Variants in SLC2A9 observed in about 807,000 individuals in gnomAD.
SLC2A9 encodes the protein solute carrier family 2, facilitated glucose transporter member 9.
In SLC2A9, 39 loss-of-function variants were observed where a neutral mutation model predicts 50.6. The observed-to-expected ratio is 0.77, with a 90% confidence interval of 0.60 to 1.01. The LOEUF (loss-of-function observed/expected upper bound fraction) is 1.01. SLC2A9 is among the 50% of genes least tolerant of loss of function. The pLI is 0.00. For missense variants in SLC2A9, 686 were observed against 677.6 expected, an observed-to-expected ratio of 1.01 and a Z score of -0.14; for synonymous variants, 324 against 276.9, an observed-to-expected ratio of 1.17 and a Z score of -1.69.
At chr4:9,817,434 T>G (rs759362401) in intron 3 of SLC2A9, among the ~76,000 whole-genome samples, 1 of 152,236 alleles carries the variant, frequency 6.6e-6, no homozygotes, top group Non-Finnish European at 1.5e-5. Context: ...ACAAGACTCC[T>G]GCCCTCCTGA....
chr4:9,969,194 ACTAGATCTT>A (rs1277527978), intron 5 of SLC2A9, among the ~76,000 whole-genome samples: 1 of 152,192 alleles, frequency 6.6e-6, no homozygotes, highest in African/African-American at 2.4e-5. Flanking sequence ...GCTAAGTGAT[ACTAGATCTT>A]CTTTCAGTTA....
At chr4:9,917,812 G>T (rs1006200270) in intron 7 of SLC2A9, among the ~76,000 whole-genome samples, 1 of 152,210 alleles carries the variant, frequency 6.6e-6, no homozygotes, top group Non-Finnish European at 1.5e-5. Flanking sequence ...GGGGCAGATG[G>T]TGCTACTGGT....
intron 10 of SLC2A9, among the ~76,000 whole-genome samples, chr4:9,866,771 G>A (rs1400415620): frequency 1.3e-5 from 2 of 152,170 alleles, no homozygotes; most frequent in Admixed American, 6.6e-5. Context: ...CTTCATGTAT[G>A]TTGTCTCCTC....
chr4:9,896,518 G>C (rs1738586924), intron 8 of SLC2A9, among the ~76,000 whole-genome samples: 1 of 152,088 alleles, frequency 6.6e-6, no homozygotes, highest in African/African-American at 2.4e-5. Flanking sequence ...TCTCAAATGT[G>C]TTTTATAGGT....
chr4:9,835,355 T>C (rs1221533166), intron 10 of SLC2A9, among the ~76,000 whole-genome samples: 1 of 152,116 alleles, frequency 6.6e-6, no homozygotes, highest in Non-Finnish European at 1.5e-5. Flanking sequence ...GTGAGACCAG[T>C]GATCACGCCC....
intron 2 of SLC2A9, among the ~76,000 whole-genome samples, chr4:10,014,625 C>T (rs911556601): frequency 1.3e-5 from 2 of 152,210 alleles, no homozygotes; most frequent in East Asian, 1.9e-4. Context: ...CTCTTTCAAG[C>T]CCCAGTGAGG....
Position 9,820,060 on chromosome 4 carries a change from C to T in SLC2A9, n.420+6360G>A, listed in dbSNP as rs114219058. ...TTGGTGTTATATCCTAAAGTCTTTGCTTAAATTTAACAAGAATTTCTCCTA... is the reference window on the plus strand; with the variant it reads ...TTGGTGTTATATCCTAAAGTCTTTGTTTAAATTTAACAAGAATTTCTCCTA... On this transcript the variant is annotated intron_variant and non_coding_transcript_variant, in intron 3 of 3. Transcript: ENST00000503280. 8.1e-3 allele frequency among the ~76,000 whole-genome samples: 1,233 copies of T among 152,346 alleles called. 16 individuals are homozygous for T. The highest frequency in any genetic ancestry group is 0.028 in the African/African-American group (1,165 of 41,574).
intron 5 of SLC2A9, among the ~76,000 whole-genome samples, chr4:9,977,283 TG>T (rs1448521670): frequency 1.3e-5 from 2 of 152,158 alleles, no homozygotes; most frequent in South Asian, 4.1e-4. Context: ...GGACGTTTTT[TG>T]TTTTTTAAAG....
intron 6 of SLC2A9, among the ~76,000 whole-genome samples, chr4:9,926,197 C>T (rs899957342): frequency 3.3e-5 from 5 of 151,870 alleles, no homozygotes; most frequent in Non-Finnish European, 7.4e-5. Context: ...GGTCTTGGAG[C>T]TGGAGAAACC....
downstream of SLC2A9, among the ~76,000 whole-genome samples, chr4:9,796,474 A>G (rs181452584): frequency 2.8e-4 from 43 of 152,334 alleles, no homozygotes; most frequent in East Asian, 5.6e-3. Context: ...GATATTTATC[A>G]TGCCTCCTTA....
chr4:9,833,354 C>T (rs73804734), intron 11 of SLC2A9, among the ~76,000 whole-genome samples: 19 of 152,080 alleles, frequency 1.2e-4, no homozygotes, highest in Admixed American at 9.2e-4. Flanking sequence ...AACTCTGAGA[C>T]GAGGAGGCTG....
intron 3 of SLC2A9, chr4:9,783,635 G>A (rs1014106880): frequency 2.9e-6 from 2 of 682,122 alleles, no homozygotes; most frequent in Non-Finnish European, 4.9e-6. Flanking sequence ...CGAAGAATTG[G>A]CAGAAGCAGT....
rs75687260 is a variant in SLC2A9 at position 9,977,218 on chromosome 4, G to C, written c.681+3374C>G. On this transcript the variant is annotated intron_variant, in intron 5 of 11. Transcript: ENST00000264784. ...ACAAATAAGCCTTCACAGTTACACA[G>C]TCCCCATCAAGGTGTGTGAAAGGTG... Among the ~76,000 whole-genome samples the C allele has an allele frequency of 9.5e-3, 1,440 of 152,292 alleles. 27 individuals carry two copies. The highest frequency in any genetic ancestry group is 0.033 in the African/African-American group (1,389 of 41,560).
chr4:9,857,752 CCTGA>C (rs1730958432), intron 10 of SLC2A9, among the ~76,000 whole-genome samples: 1 of 152,234 alleles, frequency 6.6e-6, no homozygotes, highest in African/African-American at 2.4e-5. Flanking sequence ...CCTGGCCCTG[CCTGA>C]CTCAGTGCCC....
chr4:9,850,464 G>A (rs964961699), intron 10 of SLC2A9, among the ~76,000 whole-genome samples: 7 of 152,134 alleles, frequency 4.6e-5, no homozygotes, highest in East Asian at 1.9e-4. Context: ...GGATGAGGCC[G>A]GTACATTCTG....
intron 7 of SLC2A9, among the ~76,000 whole-genome samples, chr4:9,918,298 G>A (rs1300176048): frequency 6.6e-6 from 1 of 152,222 alleles, no homozygotes; most frequent in East Asian, 1.9e-4. Flanking sequence ...TGCTAGTGCT[G>A]GTAGCTCTCT....
intron 10 of SLC2A9, among the ~76,000 whole-genome samples, chr4:9,872,887 G>A (rs754866297): frequency 2.0e-5 from 3 of 152,180 alleles, no homozygotes; most frequent in Non-Finnish European, 4.4e-5. Context: ...GTTTCTCTAT[G>A]ATTTGACTTT....
chr4:10,022,804 G>C (rs769971194), upstream of SLC2A9, among the ~76,000 whole-genome samples: 1 of 152,218 alleles, frequency 6.6e-6, no homozygotes, highest in South Asian at 2.1e-4. Flanking sequence ...TGACATGCAC[G>C]GTGGTGGGAA....
intron 3 of SLC2A9, among the ~76,000 whole-genome samples, chr4:9,804,678 A>C (rs1372347029): frequency 6.6e-6 from 1 of 151,922 alleles, no homozygotes; most frequent in Non-Finnish European, 1.5e-5. Flanking sequence ...TGTTGGAATC[A>C]CTCTTCTTTA....
Sources: gnomAD v4.1 joint callset for allele counts (sites outside exome capture counted in the v4.1 genomes callset) on GRCh38, gnomAD v4.1.1 for gene constraint, MANE v1.5 for transcripts, NCBI Gene and HGNC (gene_info 2026-07-23, HGNC 2026-07-21) for gene names.